The following LUC7L variants were observed in gnomAD, a reference collection of about 807,000 sequenced individuals.
The protein encoded by LUC7L is putative RNA-binding protein Luc7-like 1.
A neutral mutation model predicts 51.1 loss-of-function variants in LUC7L; 29 were observed. That is an observed-to-expected ratio of 0.57 (90% CI 0.42 to 0.77). LUC7L has a LOEUF of 0.77. LUC7L is among the 30% of genes least tolerant of loss of function. LUC7L has a pLI of 0.00. For missense variants in LUC7L, 403 were observed against 511.9 expected, an observed-to-expected ratio of 0.79 and a Z score of 2.05; for synonymous variants, 181 against 180.7, an observed-to-expected ratio of 1.00 and a Z score of -0.01.
Position 208,202 on chromosome 16 carries a change from A to T in LUC7L, c.256-14T>A. 6.4e-7 allele frequency: 1 copy of T among 1,557,578 alleles called. No individual in the cohort carries two copies. Among genetic ancestry groups the T allele is most frequent in the East Asian group, 2.2e-5 (1 of 44,614 alleles). On this transcript the variant is annotated splice_polypyrimidine_tract_variant and intron_variant, in intron 3 of 9. Transcript: ENST00000293872. The stretch of plus-strand genomic sequence containing the variant: ...GTGATCCATTGCCTAGCACGGGAAA[A>T]GCACAGCGCTATAATCAATGATGTG...
chr16:217,682 G>C (rs915145518), intron 3 of LUC7L, among the ~76,000 whole-genome samples: 7 of 150,254 alleles, frequency 4.7e-5, no homozygotes, highest in African/African-American at 1.7e-4. Context: ...ACTACAGCCT[G>C]GGCAACAAGA....
chr16:216,405 C>T (rs376132669), intron 3 of LUC7L, among the ~76,000 whole-genome samples: 16 of 119,502 alleles, frequency 1.3e-4, no homozygotes, highest in African/African-American at 5.1e-4. Flanking sequence ...TTTTTTGAGA[C>T]GGAGTCTCGC....
At chr16:193,044 G>A (rs775649073) in intron 6 of LUC7L, 29 bp from the exon 7 acceptor site, 42 of 1,575,478 alleles carry the variant, frequency 2.7e-5, no homozygotes, top group Non-Finnish European at 3.4e-5. Context: ...AAATGAGGAA[G>A]AGCAAGTTAC....
At chr16:199,010 T>C in intron 6 of LUC7L, 52 bp downstream of exon 6, 2 of 1,495,724 alleles carry the variant, frequency 1.3e-6, no homozygotes, top group Non-Finnish European at 9.0e-7. Context: ...ATTAAAGAAA[T>C]GTGAAAACAC....
At chr16:215,976 G>T (rs139724090) in intron 3 of LUC7L, among the ~76,000 whole-genome samples, 4 of 151,740 alleles carry the variant, frequency 2.6e-5, no homozygotes, top group Non-Finnish European at 4.4e-5. Flanking sequence ...ATTACAAGCA[G>T]AAGCCCCCTT....
intron 9 of LUC7L, 200 bp from the exon 10 acceptor site, chr16:189,539 T>A: frequency 7.2e-7 from 1 of 1,388,824 alleles, no homozygotes; most frequent in Non-Finnish European, 9.3e-7. Flanking sequence ...TTGCGAAGAT[T>A]TTTAATAAGG....
intron 3 of LUC7L, among the ~76,000 whole-genome samples, chr16:215,745 G>C (rs1340373266): frequency 6.6e-6 from 1 of 152,080 alleles, no homozygotes; most frequent in African/African-American, 2.4e-5. Flanking sequence ...AGAGATGGCA[G>C]TGAGCCGAGA....
chr16:229,067 T>C (rs1436074107), intron 1 of LUC7L: 73 of 1,416,846 alleles, frequency 5.2e-5, no homozygotes, highest in Non-Finnish European at 6.3e-5. Context: ...TGGCGCAGAC[T>C]CCGAGAGAGG....
At chr16:220,442 A>T in intron 3 of LUC7L, 2 of 491,190 alleles carry the variant, frequency 4.1e-6, no homozygotes, top group Admixed American at 7.6e-5. Context: ...AAATGAGATA[A>T]CACATATTAT....
intron 6 of LUC7L, among the ~76,000 whole-genome samples, chr16:196,286 T>C (rs925736288): frequency 6.6e-6 from 1 of 151,908 alleles, no homozygotes. Context: ...TGCACGCCTA[T>C]AGTACCAGCT....
intron 9 of LUC7L, chr16:189,641 A>C (rs1023581333): frequency 6.0e-6 from 8 of 1,325,452 alleles, no homozygotes; most frequent in Non-Finnish European, 7.7e-6. Flanking sequence ...TGGAAAAAAA[A>C]ATATCAAAAA....
intron 2 of LUC7L, among the ~76,000 whole-genome samples, chr16:224,134 C>T (rs893167481): frequency 6.6e-6 from 1 of 152,164 alleles, no homozygotes; most frequent in African/African-American, 2.4e-5. Flanking sequence ...CCAAAGGAAG[C>T]AGACCCTAAA....
intron 6 of LUC7L, among the ~76,000 whole-genome samples, chr16:193,916 G>A (rs528524215): frequency 6.7e-6 from 1 of 148,690 alleles, no homozygotes; most frequent in South Asian, 2.1e-4. Context: ...CCATTCTCCT[G>A]TCCTGGCCTC....
chr16:200,416 G>GAA (rs577587041), intron 5 of LUC7L, among the ~76,000 whole-genome samples: 6,239 of 119,042 alleles, frequency 0.052, 198 homozygotes, highest in Non-Finnish European at 0.076. Flanking sequence ...CGTCTCAAAA[G>GAA]AAAAAAAAAA....
At position 208,236 on chromosome 16, in the gene LUC7L, A is replaced by T. The variant is rs369519868; in HGVS notation, c.256-48T>A. ...CTATAATCAATGATGTGTAAAGCGT[A>T]AAGTCTTAGAACCCATTTGCTTGAT... On this transcript the variant is annotated intron_variant, in intron 3 of 9. Transcript: ENST00000293872. 1.0e-5 allele frequency: 14 copies of T among 1,370,806 alleles called. No individual in the cohort carries two copies. In the African/African-American group the frequency reaches 1.4e-4, roughly 14 times the overall value. The allele number at this position is 1,370,806 out of a possible 1,614,324, so 84.9% of individuals were successfully genotyped here. A position where few individuals can be genotyped will look rare whatever the true frequency, so the allele number is the denominator to read the frequency against.
At chr16:223,919 G>A (rs183155474) in intron 2 of LUC7L, among the ~76,000 whole-genome samples, 11 of 151,516 alleles carry the variant, frequency 7.3e-5, no homozygotes, top group African/African-American at 1.5e-4. Flanking sequence ...TGATCCACCC[G>A]CCTCCTCCTC....
chr16:215,307 G>A (rs528761974), intron 3 of LUC7L, among the ~76,000 whole-genome samples: 1 of 151,634 alleles, frequency 6.6e-6, no homozygotes, highest in African/African-American at 2.4e-5. Flanking sequence ...CTAACATGGT[G>A]AAACCCTGCC....
chr16:217,535 C>T (rs545108732), intron 3 of LUC7L, among the ~76,000 whole-genome samples: 4 of 150,840 alleles, frequency 2.7e-5, no homozygotes, highest in South Asian at 2.1e-4. Flanking sequence ...GACAAAACCC[C>T]GTCTCTACTA....
rs887085663 is a variant in LUC7L at position 223,017 on chromosome 16, TAGAG to T, written c.157-2274_157-2271del. Among the ~76,000 whole-genome samples, 6 of 139,678 alleles carry T rather than the reference TAGAG, an allele frequency of 4.3e-5. No individual in the cohort carries two copies. In the East Asian group the frequency reaches 6.4e-4, roughly 15 times the overall value. 91.6% of individuals were successfully genotyped at this position (139,678 alleles called of 152,430 possible). Reference sequence around the variant, plus strand: ...TAATCCATCTTGAGGGGGAAAAAAATAGAGAGGCTTGCATGTCTGACTCTTGGGA... The same window carrying T: ...TAATCCATCTTGAGGGGGAAAAAAATAGGCTTGCATGTCTGACTCTTGGGA... On this transcript the variant is annotated intron_variant, in intron 2 of 9. Coordinates refer to ENST00000293872, the MANE Select transcript of LUC7L (RefSeq NM_201412.3).
Sources: gnomAD v4.1 joint callset for allele counts (sites outside exome capture counted in the v4.1 genomes callset) on GRCh38, gnomAD v4.1.1 for gene constraint, MANE v1.5 for transcripts, NCBI Gene and HGNC (gene_info 2026-07-23, HGNC 2026-07-21) for gene names.